FER1L5: variants seen among roughly 807,000 people sequenced by gnomAD.
The protein encoded by FER1L5 is fer-1 like family member 5.
A neutral mutation model predicts 279.9 loss-of-function variants in FER1L5; 187 were observed. The observed-to-expected ratio is 0.67, with a 90% CI of 0.59 to 0.75. FER1L5 has a LOEUF of 0.75. Among genes scored for constraint, FER1L5 ranks in the 30% least tolerant of loss-of-function variants. FER1L5 has a pLI of 0.00. For missense variants in FER1L5, 2,091 were observed against 2,594.4 expected, an observed-to-expected ratio of 0.81 and a Z score of 4.21; for synonymous variants, 921 against 989.7, an observed-to-expected ratio of 0.93 and a Z score of 1.30.
intron 18 of FER1L5, among the ~76,000 whole-genome samples, chr2:96,672,362 C>T (rs908678035): frequency 9.2e-5 from 14 of 152,176 alleles, no homozygotes; most frequent in Admixed American, 7.2e-4. Flanking sequence ...AGGCATGAGC[C>T]ACCACGCCTG....
intron 23 of FER1L5, among the ~76,000 whole-genome samples, chr2:96,686,634 C>T (rs2076936107): frequency 6.6e-6 from 1 of 152,064 alleles, no homozygotes; most frequent in Non-Finnish European, 1.5e-5. Context: ...GCGGGTGGAT[C>T]ACCTGAGGTC....
At position 96,695,624 on chromosome 2, in the gene FER1L5, A is replaced by G. The variant is rs759332960; in HGVS notation, c.3857A>G (p.Asn1286Ser). 10 of 1,604,964 alleles carry G rather than the reference A, an allele frequency of 6.2e-6. No individual in the cohort carries two copies. The highest frequency in any genetic ancestry group is 3.4e-5 in the Admixed American group (2 of 58,626). Residue 1286 changes from asparagine (N) to serine (S), a missense_variant, in exon 35 of 53, where the codon AAC becomes AGC. Asn to Ser is a conservative substitution (Grantham distance 46). Coordinates refer to ENST00000624922, the MANE Select transcript of FER1L5 (RefSeq NM_001293083.2). ...ATCAGGGACTTTCAGACCAACCCCAACTTCCCCGAGTCTGAGTCTGTCCTA... is the reference window on the plus strand; with the variant it reads ...ATCAGGGACTTTCAGACCAACCCCAGCTTCCCCGAGTCTGAGTCTGTCCTA... ...EPIRDFQTNP[N>S]FPESESVLVL...
In FER1L5 at chr2:96,689,509, C is replaced by A. The variant is rs1404883540; in HGVS notation, c.2525+133C>A. The A allele has an allele frequency of 4.1e-6, 6 of 1,448,146 alleles. No homozygotes were observed. Among genetic ancestry groups the A allele is most frequent in the Non-Finnish European group, 5.7e-6 (6 of 1,061,216 alleles). 89.7% of individuals were successfully genotyped at this position (1,448,146 alleles called of 1,614,324 possible). A position where few individuals can be genotyped will look rare whatever the true frequency, so the allele number is the denominator to read the frequency against. On this transcript the variant is annotated intron_variant, in intron 25 of 52. Coordinates refer to ENST00000624922, the MANE Select transcript of FER1L5 (RefSeq NM_001293083.2). The surrounding 1 kb of genome is among the most constrained non-coding windows in gnomAD (Gnocchi z 4.6). ...GGGCCGAGGTGCACCAGGCCAAGGGCCCTGCCCACCACCCTGTCCTGCCCA... is the reference window on the plus strand; with the variant it reads ...GGGCCGAGGTGCACCAGGCCAAGGGACCTGCCCACCACCCTGTCCTGCCCA...
intron 13 of FER1L5, 143 bp downstream of exon 13, chr2:96,662,410 C>CT: frequency 1.3e-6 from 1 of 783,112 alleles, no homozygotes; most frequent in Middle Eastern, 2.8e-4. Flanking sequence ...GCACCTGGAA[C>CT]TCTGTGCAGG....
chr2:96,680,776 A>G (rs1298081010), intron 19 of FER1L5, among the ~76,000 whole-genome samples: 1 of 152,384 alleles, frequency 6.6e-6, no homozygotes, highest in African/African-American at 2.4e-5. Context: ...CCCTTGTAAT[A>G]GCACTCAGAT....
chr2:96,659,358 C>CTTTCTTTCTTTCTTTCCTTCT, intron 9 of FER1L5, among the ~76,000 whole-genome samples: 1 of 60,608 alleles, frequency 1.6e-5, no homozygotes, highest in East Asian at 7.4e-4. Flanking sequence ...TCCTTCCTTC[C>CTTTCTTTCTTTCTTTCCTTCT]TTCCTTCTTT....
In FER1L5 at chr2:96,691,395, G is replaced by A. The variant is rs1183636911; in HGVS notation, c.2907+42G>A. The A allele has an allele frequency of 3.9e-6, 6 of 1,536,636 alleles. No homozygotes were observed. Among genetic ancestry groups the A allele is most frequent in the Admixed American group, 2.0e-5 (1 of 49,990 alleles). ...CGCCCTGGCTGGGACTGCGGGCAGG[G>A]CCGCCTTGGCTGCTGCAGGAACACA... On this transcript the variant is annotated intron_variant, in intron 28 of 52. Transcript: ENST00000624922. The surrounding 1 kb of genome is among the most constrained non-coding windows in gnomAD (Gnocchi z 6.0).
intron 27 of FER1L5, 76 bp downstream of exon 27, chr2:96,690,665 G>T: frequency 7.4e-7 from 1 of 1,348,996 alleles, no homozygotes; most frequent in South Asian, 1.3e-5. Context: ...GGTGGGATCA[G>T]AGCAGCCAAG....
intron 3 of FER1L5, 85 bp from the exon 4 acceptor site, chr2:96,647,693 G>A (rs574665689): frequency 3.3e-5 from 33 of 987,382 alleles, no homozygotes; most frequent in African/African-American, 4.8e-5. Context: ...GGAGGAAACC[G>A]TCTCTAGCTA....
At chr2:96,687,646 G>A in intron 23 of FER1L5, 170 bp from the exon 24 acceptor site, 3 of 1,055,210 alleles carry the variant, frequency 2.8e-6, no homozygotes, top group East Asian at 2.6e-5. Context: ...CACTCTGGAG[G>A]GCAGAACAGA....
chr2:96,689,592 T>G lies in FER1L5; in HGVS notation c.2526-52T>G. 2 of 1,508,034 alleles carry G rather than the reference T, an allele frequency of 1.3e-6. No individual in the cohort carries two copies. The highest frequency in any genetic ancestry group is 1.8e-6 in the Non-Finnish European group (2 of 1,108,462). The allele number at this position is 1,508,034 out of a possible 1,614,324, so 93.4% of individuals were successfully genotyped here. On this transcript the variant is annotated intron_variant, in intron 25 of 52. Coordinates refer to ENST00000624922, the MANE Select transcript of FER1L5 (RefSeq NM_001293083.2). The surrounding 1 kb of genome is among the most constrained non-coding windows in gnomAD (Gnocchi z 4.6). ...ACGCTTGGCCAGCAGAAGACGGCCC[T>G]AGGGGCTGCTTGGGGAGTTGTGCTG...
chr2:96,663,915 C>T (rs755088614), intron 14 of FER1L5, among the ~76,000 whole-genome samples: 7 of 151,942 alleles, frequency 4.6e-5, no homozygotes, highest in Admixed American at 1.3e-4. Flanking sequence ...TGGTGACATG[C>T]GCCTGTAGTT....
At chr2:96,690,909 G>A (rs2077116516) in intron 27 of FER1L5, among the ~76,000 whole-genome samples, 1 of 152,258 alleles carries the variant, frequency 6.6e-6, no homozygotes, top group Non-Finnish European at 1.5e-5. Context: ...CAAGTCTCAA[G>A]GTCCGGGCTC....
chr2:96,675,923 C>T (rs1263720466), intron 19 of FER1L5, among the ~76,000 whole-genome samples: 3 of 152,008 alleles, frequency 2.0e-5, no homozygotes, highest in Non-Finnish European at 4.4e-5. Flanking sequence ...GCGCTCAGCC[C>T]GGTTGATTAT....
intron 9 of FER1L5, among the ~76,000 whole-genome samples, chr2:96,657,907 G>A (rs1237978065): frequency 2.0e-5 from 3 of 152,114 alleles, no homozygotes; most frequent in Non-Finnish European, 4.4e-5. Flanking sequence ...TTGGGGCCGT[G>A]TAAACATTTG....
intron 37 of FER1L5, 103 bp from the exon 38 acceptor site, chr2:96,697,423 C>T: frequency 7.6e-7 from 1 of 1,311,344 alleles, no homozygotes; most frequent in African/African-American, 1.5e-5. Flanking sequence ...AAGGCAAGGG[C>T]AAGGGCACCA....
At position 96,686,296 on chromosome 2, in the gene FER1L5, A is replaced by G. The variant is rs895867092; in HGVS notation, c.2175A>G (p.Ala725=). 1 of 1,551,570 alleles carries G rather than the reference A, an allele frequency of 6.4e-7. No homozygotes were observed. The highest frequency in any genetic ancestry group is 8.7e-7 in the Non-Finnish European group (1 of 1,146,976). The change falls in exon 23 of 53, where the codon GCA becomes GCG. Residue 725 remains alanine, a synonymous_variant. Coordinates refer to ENST00000624922, the MANE Select transcript of FER1L5 (RefSeq NM_001293083.2). Reference sequence around the variant, plus strand: ...CCCACTCCGTCCTCTTCTCCCCGGCAGGGGCTCTGCACTCCGGCAGGCTCT... The same window carrying G: ...CCCACTCCGTCCTCTTCTCCCCGGCGGGGGCTCTGCACTCCGGCAGGCTCT... The part of the protein sequence containing the change: ...VPAHSVLFSP[A]GALHSGRLCG...
intron 7 of FER1L5, chr2:96,653,233 C>T (rs1027382316): frequency 2.2e-5 from 5 of 222,578 alleles, no homozygotes; most frequent in East Asian, 1.7e-4. Context: ...TCTAGGAGCC[C>T]GGGAGGCCTC....
intron 19 of FER1L5, among the ~76,000 whole-genome samples, 184 bp downstream of exon 19, chr2:96,673,438 A>G (rs2076400821): frequency 6.6e-6 from 1 of 152,030 alleles, no homozygotes; most frequent in Non-Finnish European, 1.5e-5. Flanking sequence ...CAGGTGGTGA[A>G]CCCATGAGTT....
Sources: gnomAD v4.1 joint callset for allele counts (sites outside exome capture counted in the v4.1 genomes callset) on GRCh38, gnomAD v4.1.1 for gene constraint, Gnocchi (gnomAD v3.1) non-coding constraint, MANE v1.5 for transcripts, NCBI Gene and HGNC (gene_info 2026-07-23, HGNC 2026-07-21) for gene names.